AUTS2: variants seen among roughly 807,000 people sequenced by gnomAD.
AUTS2 encodes activator of transcription and developmental regulator AUTS2.
A neutral mutation model predicts 112.4 loss-of-function variants in AUTS2; 17 were observed. The observed-to-expected ratio is 0.15, with a 90% CI of 0.10 to 0.23. The LOEUF (loss-of-function observed/expected upper bound fraction) is 0.23, where lower values mean the gene tolerates loss of function less well. Ranked by LOEUF, AUTS2 falls within the 10% of genes least tolerant of loss-of-function variation. AUTS2 has a pLI of 1.00. For synonymous variants in AUTS2, 751 were observed against 702.7 expected, an observed-to-expected ratio of 1.07 and a Z score of -1.09; for missense variants, 1,510 against 1,701.6, an observed-to-expected ratio of 0.89 and a Z score of 1.98.
chr7:70,507,118 G>A (rs1420529804), intron 5 of AUTS2, among the ~76,000 whole-genome samples: 1 of 152,220 alleles, frequency 6.6e-6, no homozygotes, highest in Non-Finnish European at 1.5e-5. Context: ...GAACCTTGAG[G>A]AAATAAGTGT....
chr7:70,542,199 A>T (rs1800579205), intron 5 of AUTS2, among the ~76,000 whole-genome samples: 1 of 152,108 alleles, frequency 6.6e-6, no homozygotes, highest in Admixed American at 6.5e-5. Flanking sequence ...TGTTCTTATG[A>T]CTTGTTCTTC....
chr7:70,505,274 G>A (rs1056375477), intron 5 of AUTS2, among the ~76,000 whole-genome samples: 35 of 152,324 alleles, frequency 2.3e-4, no homozygotes, highest in African/African-American at 7.9e-4. Context: ...AGAAGGAGGA[G>A]CAGAAGCACC....
chr7:69,972,800 A>T (rs1383861504), intron 2 of AUTS2, among the ~76,000 whole-genome samples: 1 of 152,070 alleles, frequency 6.6e-6, no homozygotes, highest in East Asian at 1.9e-4. Context: ...AAATCAGTTT[A>T]CTGTACTTAA....
intron 4 of AUTS2, among the ~76,000 whole-genome samples, chr7:70,209,059 G>T (rs1810723160): frequency 6.6e-6 from 1 of 152,158 alleles, no homozygotes; most frequent in Non-Finnish European, 1.5e-5. Flanking sequence ...TGGAGAATAT[G>T]CTCCCAAGTG....
At chr7:70,676,683 C>G (rs76521782) in intron 5 of AUTS2, among the ~76,000 whole-genome samples, 2 of 152,122 alleles carry the variant, frequency 1.3e-5, no homozygotes, top group Admixed American at 6.5e-5. Context: ...TTGAGACCAG[C>G]CTGGGCAACA....
intron 2 of AUTS2, among the ~76,000 whole-genome samples, chr7:69,976,535 G>A (rs1211617142): frequency 6.6e-6 from 1 of 152,126 alleles, no homozygotes; most frequent in African/African-American, 2.4e-5. Context: ...TAAATTTTTT[G>A]AGGAACCTCC....
intron 4 of AUTS2, among the ~76,000 whole-genome samples, chr7:70,236,042 T>C (rs1323103479): frequency 2.0e-5 from 3 of 152,154 alleles, no homozygotes; most frequent in Admixed American, 1.3e-4. Context: ...CTATTCGATA[T>C]AACATTTTAT....
chr7:70,214,361 T>G (rs541081845), intron 4 of AUTS2, among the ~76,000 whole-genome samples: 4 of 152,320 alleles, frequency 2.6e-5, no homozygotes, highest in East Asian at 1.9e-4. Context: ...AACATTCCAC[T>G]TATAATCTGT....
At chr7:70,462,579 C>T (rs1797009208) in intron 5 of AUTS2, among the ~76,000 whole-genome samples, 1 of 152,184 alleles carries the variant, frequency 6.6e-6, no homozygotes, top group Non-Finnish European at 1.5e-5. Context: ...CTTCTCTCTA[C>T]ATCCTATAGT....
At chr7:69,856,404 C>A (rs924307717) in intron 1 of AUTS2, among the ~76,000 whole-genome samples, 1 of 152,200 alleles carries the variant, frequency 6.6e-6, no homozygotes, top group Non-Finnish European at 1.5e-5. Flanking sequence ...TCAGTTAACT[C>A]GTCTCTTGAA....
intron 1 of AUTS2, among the ~76,000 whole-genome samples, chr7:69,866,320 T>C (rs1793229975): frequency 6.6e-6 from 1 of 152,082 alleles, no homozygotes; most frequent in Non-Finnish European, 1.5e-5. Flanking sequence ...TCCTTATAGG[T>C]GTGTGTTTTG....
At chr7:69,952,454 C>T (rs1797064292) in intron 2 of AUTS2, among the ~76,000 whole-genome samples, 1 of 152,070 alleles carries the variant, frequency 6.6e-6, no homozygotes, top group African/African-American at 2.4e-5. Flanking sequence ...TTTCGTTTAC[C>T]TCTACTATTT....
At chr7:70,590,681 G>A (rs956491896) in intron 5 of AUTS2, among the ~76,000 whole-genome samples, 7 of 152,154 alleles carry the variant, frequency 4.6e-5, no homozygotes, top group Non-Finnish European at 8.8e-5. Context: ...ACACATGAAC[G>A]TATTATCTCC....
chr7:70,354,956 CTGTG>C (rs369428637), intron 4 of AUTS2, among the ~76,000 whole-genome samples: 4 of 147,078 alleles, frequency 2.7e-5, no homozygotes, highest in Non-Finnish European at 6.0e-5. Flanking sequence ...GAAAGGGCTG[CTGTG>C]TGTGTGTGTG....
intron 1 of AUTS2, among the ~76,000 whole-genome samples, chr7:69,891,366 T>C (rs140128405): frequency 1.2e-3 from 190 of 152,350 alleles, no homozygotes; most frequent in Non-Finnish European, 2.2e-3. Context: ...CACAGTTTGT[T>C]TATCCATTCA....
At chr7:69,978,366 C>A (rs1798143886) in intron 2 of AUTS2, among the ~76,000 whole-genome samples, 1 of 152,068 alleles carries the variant, frequency 6.6e-6, no homozygotes, top group African/African-American at 2.4e-5. Flanking sequence ...ACTGGAATTA[C>A]TAATTCTGGT....
At chr7:69,776,178 CTA>C (rs1788887744) in intron 1 of AUTS2, among the ~76,000 whole-genome samples, 1 of 152,144 alleles carries the variant, frequency 6.6e-6, no homozygotes, top group Non-Finnish European at 1.5e-5. Flanking sequence ...GGCAAGGGAA[CTA>C]TGTGTGGGGG....
At chr7:69,639,914 A>C (rs770507217) in intron 1 of AUTS2, among the ~76,000 whole-genome samples, 2 of 152,202 alleles carry the variant, frequency 1.3e-5, no homozygotes, top group Non-Finnish European at 2.9e-5. Flanking sequence ...TGTCTTTGCT[A>C]TATCTCTTAC....
chr7:69,937,051 A>C (rs1183004908), intron 2 of AUTS2, among the ~76,000 whole-genome samples: 2 of 152,056 alleles, frequency 1.3e-5, no homozygotes, highest in African/African-American at 4.8e-5. Context: ...ATTTGAGCAG[A>C]ACTGTGAGGC....
Sources: allele counts gnomAD v4.1 joint callset (sites outside exome capture counted in the v4.1 genomes callset), GRCh38; gene constraint gnomAD v4.1.1; transcripts MANE v1.5; gene names NCBI Gene and HGNC (gene_info 2026-07-23, HGNC 2026-07-21).